Variants in TDRD12 observed in about 807,000 individuals in gnomAD.
TDRD12 encodes tudor domain containing 12.
TDRD12 carries 158 observed loss-of-function variants against 133.5 expected under a neutral mutation model. That is an observed-to-expected ratio of 1.18 (90% CI 1.04 to 1.35). The LOEUF (loss-of-function observed/expected upper bound fraction) is 1.35. Among genes scored for constraint, TDRD12 ranks in the 40% most tolerant of loss-of-function variants. TDRD12 has a pLI of 0.00. For synonymous variants in TDRD12, 460 were observed against 477.9 expected, an observed-to-expected ratio of 0.96 and a Z score of 0.49; for missense variants, 1,443 against 1,321.3, an observed-to-expected ratio of 1.09 and a Z score of -1.43.
chr19:32,801,710 G>T, intron 18 of TDRD12, 46 bp from the exon 19 acceptor site: 1 of 697,182 alleles, frequency 1.4e-6, no homozygotes, highest in Non-Finnish European at 2.2e-6. Context: ...TTGGCTTCCA[G>T]CCTATATCCC....
chr19:32,811,368 T>G, exon 24 of TDRD12: 1 of 1,536,166 alleles, frequency 6.5e-7, no homozygotes, highest in South Asian at 1.2e-5. Context: ...GCTGTGGAGT[T>G]TATTGTCTGT....
At chr19:32,756,072 A>G (rs1969982643) in exon 7 of TDRD12, 1 of 1,483,936 alleles carries the variant, frequency 6.7e-7, no homozygotes, top group African/African-American at 1.5e-5. Context: ...TTGATTATTT[A>G]GAAAAACCAA....
intron 11 of TDRD12, among the ~76,000 whole-genome samples, chr19:32,787,076 G>A (rs756789827): frequency 2.6e-5 from 4 of 152,108 alleles, no homozygotes; most frequent in Non-Finnish European, 5.9e-5. Flanking sequence ...TCTACCTTTG[G>A]TCTTTGATGT....
At chr19:32,757,837 C>A (rs901544783) in intron 8 of TDRD12, among the ~76,000 whole-genome samples, 2 of 152,214 alleles carry the variant, frequency 1.3e-5, no homozygotes, top group African/African-American at 4.8e-5. Context: ...TGTAATATTT[C>A]ATGTGTATCC....
intron 11 of TDRD12, among the ~76,000 whole-genome samples, chr19:32,780,808 T>A (rs1454239681): frequency 6.6e-6 from 1 of 150,804 alleles, no homozygotes; most frequent in African/African-American, 2.4e-5. Context: ...TTTTTTTTTT[T>A]AATGGGGTCT....
Position 32,742,819 on chromosome 19 carries a change from A to G in TDRD12, c.359A>G (p.Tyr120Cys), listed in dbSNP as rs956029772. 10 of 1,551,792 alleles carry G rather than the reference A, an allele frequency of 6.4e-6. No individual in the cohort carries two copies. The highest frequency in any genetic ancestry group is 5.5e-5 in the African/African-American group (4 of 73,034). The change falls in exon 4 of 28, where the codon TAT becomes TGT. Residue 120 changes from tyrosine to cysteine, a missense_variant. Physicochemically the swap from Tyr to Cys is radical, Grantham distance 194 (BLOSUM62 -2). Transcript: ENST00000444215. ...GTAGAATCGTTTATGCAGCTTCCCT[A>G]TAGAGCAAAAAAATTCAGCCTGTAC...
intron 27 of TDRD12, 99 bp downstream of exon 27, chr19:32,818,256 C>T (rs771399856): frequency 1.3e-5 from 8 of 622,780 alleles, no homozygotes; most frequent in African/African-American, 3.7e-5. Flanking sequence ...GGAGTCTCCA[C>T]GGGCCGAGGG....
chr19:32,827,297 A>G, exon 10 of TDRD12: 1 of 1,208,392 alleles, frequency 8.3e-7, no homozygotes, highest in East Asian at 3.2e-5. Flanking sequence ...AAGATGTTGA[A>G]CAAAAATGGA....
At chr19:32,794,724 T>C (rs1246233113) in exon 14 of TDRD12, 4 of 703,250 alleles carry the variant, frequency 5.7e-6, no homozygotes, top group Non-Finnish European at 1.0e-5. Context: ...CATTTCTCAC[T>C]GTGAAAGCAA....
exon 10 of TDRD12, chr19:32,827,313 C>T (rs934394590): frequency 2.6e-5 from 29 of 1,100,874 alleles, no homozygotes; most frequent in Non-Finnish European, 3.2e-5. Context: ...ATGGATATTG[C>T]CATGTGACCG....
chr19:32,729,884 G>A (rs896209094), intron 1 of TDRD12, among the ~76,000 whole-genome samples: 10 of 139,180 alleles, frequency 7.2e-5, no homozygotes, highest in Non-Finnish European at 1.1e-4. Flanking sequence ...TCCACCACCC[G>A]GTTTCACACC....
At chr19:32,734,141 C>T (rs927761821) in intron 2 of TDRD12, among the ~76,000 whole-genome samples, 1 of 152,032 alleles carries the variant, frequency 6.6e-6, no homozygotes, top group African/African-American at 2.4e-5. Context: ...ATGATCCACC[C>T]GTCTCAGCCT....
At chr19:32,786,542 C>T (rs1482500397) in intron 11 of TDRD12, among the ~76,000 whole-genome samples, 1 of 152,186 alleles carries the variant, frequency 6.6e-6, no homozygotes, top group African/African-American at 2.4e-5. Flanking sequence ...CCATTCTCCC[C>T]GTTGCTTTCA....
intron 27 of TDRD12, 85 bp from the exon 28 acceptor site, chr19:32,820,948 C>G: frequency 8.9e-7 from 1 of 1,118,354 alleles, no homozygotes; most frequent in Non-Finnish European, 1.3e-6. Flanking sequence ...ACAGGCACTT[C>G]ACGGTCATTT....
At chr19:32,787,069 A>G (rs1011460040) in intron 11 of TDRD12, among the ~76,000 whole-genome samples, 4 of 151,962 alleles carry the variant, frequency 2.6e-5, no homozygotes, top group Non-Finnish European at 5.9e-5. Flanking sequence ...GGTTTTATCT[A>G]CCTTTGGTCT....
chr19:32,759,687 T>C (rs1014304108), intron 8 of TDRD12, among the ~76,000 whole-genome samples: 2 of 152,196 alleles, frequency 1.3e-5, no homozygotes, highest in African/African-American at 4.8e-5. Context: ...ATTTATAAAA[T>C]TTTTATTTCA....
intron 13 of TDRD12, among the ~76,000 whole-genome samples, chr19:32,791,463 C>T (rs959489055): frequency 2.0e-5 from 3 of 151,934 alleles, no homozygotes. Flanking sequence ...ATTGATCATA[C>T]GTGTTTATCT....
intron 6 of TDRD12, among the ~76,000 whole-genome samples, chr19:32,750,812 G>T (rs1292824875): frequency 1.3e-5 from 2 of 152,192 alleles, no homozygotes; most frequent in African/African-American, 4.8e-5. Flanking sequence ...TGGTTTGCCT[G>T]ATGTTCCTCA....
At chr19:32,746,347 A>T (rs1416433456) in intron 4 of TDRD12, among the ~76,000 whole-genome samples, 2 of 89,930 alleles carry the variant, frequency 2.2e-5, no homozygotes, top group Non-Finnish European at 4.6e-5. Context: ...TGTGTGTGAC[A>T]GAGAGGGGGA....
Sources: gnomAD v4.1 joint callset for allele counts (sites outside exome capture counted in the v4.1 genomes callset) on GRCh38, gnomAD v4.1.1 for gene constraint, MANE v1.5 for transcripts, NCBI Gene and HGNC (gene_info 2026-07-23, HGNC 2026-07-21) for gene names.